The following KAZN variants were observed in gnomAD, a reference collection of about 807,000 sequenced individuals.
KAZN encodes kazrin, periplakin interacting protein.
A neutral mutation model predicts 87.4 loss-of-function variants in KAZN; 40 were observed. That is an observed-to-expected ratio of 0.46 (90% CI 0.36 to 0.60). The LOEUF (loss-of-function observed/expected upper bound fraction) is 0.60. Among genes scored for constraint, KAZN ranks in the 20% least tolerant of loss-of-function variants. The pLI is 0.00. For missense variants in KAZN, 898 were observed against 1,073.9 expected (o/e 0.84, Z 2.29); for synonymous variants, 466 against 458.3 (o/e 1.02, Z -0.22).
At chr1:14,725,460 CT>C (rs34698081) in intron 1 of KAZN, among the ~76,000 whole-genome samples, 88,458 of 146,072 alleles carry the variant, frequency 0.61, 26,766 homozygotes, top group Middle Eastern at 0.76. Context: ...GTGGAGCTGT[CT>C]TTTTTTTTTT....
intron 2 of KAZN, among the ~76,000 whole-genome samples, chr1:14,559,343 A>AATGCCTAGT (rs1490217016): frequency 1.3e-5 from 2 of 152,184 alleles, no homozygotes; most frequent in Non-Finnish European, 2.9e-5. Flanking sequence ...GAAGAAAAGA[A>AATGCCTAGT]ATGCCTAGTT....
chr1:14,942,553 C>T (rs1023603556), intron 1 of KAZN, among the ~76,000 whole-genome samples: 1 of 152,236 alleles, frequency 6.6e-6, no homozygotes, highest in Non-Finnish European at 1.5e-5. Context: ...AGAACCTACT[C>T]TTCTCTAGTC....
intron 2 of KAZN, among the ~76,000 whole-genome samples, chr1:14,231,445 G>T (rs564232438): frequency 6.6e-6 from 1 of 152,172 alleles, no homozygotes; most frequent in African/African-American, 2.4e-5. Context: ...TACTCACTTT[G>T]GGATTACAAC....
intron 1 of KAZN, chr1:14,924,336 C>A (rs1427429117): frequency 1.0e-5 from 10 of 987,512 alleles, no homozygotes; most frequent in Admixed American, 6.2e-5. Context: ...CTCGCGCAGC[C>A]GCTGGTAGCG....
intron 2 of KAZN, among the ~76,000 whole-genome samples, chr1:14,342,147 G>A (rs1657776216): frequency 6.6e-6 from 1 of 152,152 alleles, no homozygotes; most frequent in South Asian, 2.1e-4. Context: ...CCATGTCCCT[G>A]CAAAGGACAT....
At chr1:14,925,060 A>C (rs760505716) in intron 1 of KAZN, among the ~76,000 whole-genome samples, 1 of 152,198 alleles carries the variant, frequency 6.6e-6, no homozygotes, top group Non-Finnish European at 1.5e-5. Context: ...TTTCTCATAC[A>C]CTTGAACTCC....
At chr1:14,759,998 C>G (rs576690704) in intron 1 of KAZN, among the ~76,000 whole-genome samples, 7 of 152,156 alleles carry the variant, frequency 4.6e-5, no homozygotes, top group Non-Finnish European at 8.8e-5. Context: ...CCCCTCCTCC[C>G]GTGACTGACC....
chr1:14,528,753 A>G (rs796070444), intron 2 of KAZN, among the ~76,000 whole-genome samples: 59 of 150,616 alleles, frequency 3.9e-4, no homozygotes, highest in African/African-American at 1.4e-3. Flanking sequence ...TGTCTCAAAA[A>G]AAAAAAAAAA....
chr1:14,233,337 GT>G (rs1648049859), intron 2 of KAZN, among the ~76,000 whole-genome samples: 1 of 152,056 alleles, frequency 6.6e-6, no homozygotes, highest in Non-Finnish European at 1.5e-5. Flanking sequence ...GTCTCACTAT[GT>G]TCCCCAGGCT....
chr1:14,025,669 C>T (rs1398859231), intron 1 of KAZN, among the ~76,000 whole-genome samples: 1 of 152,118 alleles, frequency 6.6e-6, no homozygotes. Flanking sequence ...AGCCACTGGC[C>T]ACATCTGACC....
chr1:14,598,430 C>T (rs1052003631), upstream of KAZN, among the ~76,000 whole-genome samples: 1 of 152,116 alleles, frequency 6.6e-6, no homozygotes, highest in Non-Finnish European at 1.5e-5. The surrounding 1 kb of genome is among the most constrained non-coding windows in gnomAD (Gnocchi z 4.2). Context: ...TTCTCCAGGG[C>T]GGGGGCTGCC....
intron 1 of KAZN, among the ~76,000 whole-genome samples, chr1:13,909,375 G>A (rs796834737): frequency 1.3e-5 from 2 of 152,224 alleles, no homozygotes; most frequent in African/African-American, 4.8e-5. Flanking sequence ...TGTTTTTTCA[G>A]GGGCAAGAGG....
intron 2 of KAZN, among the ~76,000 whole-genome samples, chr1:14,998,142 C>T (rs897491074): frequency 6.6e-6 from 1 of 152,024 alleles, no homozygotes; most frequent in African/African-American, 2.4e-5. Flanking sequence ...TCAGCTGGCA[C>T]AGACGGCGGG....
intron 1 of KAZN, among the ~76,000 whole-genome samples, chr1:13,912,545 T>A (rs1250902091): frequency 1.3e-5 from 2 of 152,142 alleles, no homozygotes; most frequent in Non-Finnish European, 2.9e-5. Context: ...GTAGATCAGA[T>A]GATAAAATTG....
At chr1:14,425,941 C>G (rs893577887) in intron 2 of KAZN, among the ~76,000 whole-genome samples, 1 of 152,186 alleles carries the variant, frequency 6.6e-6, no homozygotes, top group African/African-American at 2.4e-5. Flanking sequence ...CCCCAACTTT[C>G]TAGAACATTC....
At chr1:14,612,416 C>T (rs1219313892) in intron 1 of KAZN, among the ~76,000 whole-genome samples, 1 of 152,226 alleles carries the variant, frequency 6.6e-6, no homozygotes, top group East Asian at 1.9e-4. Context: ...GGACACTTGA[C>T]ATCTGAGCCT....
chr1:14,849,571 C>T (rs2100972565), intron 1 of KAZN, among the ~76,000 whole-genome samples: 1 of 152,172 alleles, frequency 6.6e-6, no homozygotes, highest in East Asian at 1.9e-4. Context: ...GTTTTGTAAC[C>T]AGAGAATATT....
chr1:13,999,485 A>G (rs1030026098), intron 1 of KAZN, among the ~76,000 whole-genome samples: 2 of 152,248 alleles, frequency 1.3e-5, no homozygotes, highest in Non-Finnish European at 2.9e-5. Flanking sequence ...TAAGGCAGAA[A>G]TCAAGAAGTT....
chr1:14,728,322 A>G (rs1370950772), intron 1 of KAZN, among the ~76,000 whole-genome samples: 1 of 148,894 alleles, frequency 6.7e-6, no homozygotes, highest in Non-Finnish European at 1.5e-5. Context: ...AAAGAATCTA[A>G]TGCCACTGCT....
Sources: allele counts gnomAD v4.1 joint callset (sites outside exome capture counted in the v4.1 genomes callset), GRCh38; gene constraint gnomAD v4.1.1; non-coding constraint Gnocchi (gnomAD v3.1); transcripts MANE v1.5; gene names NCBI Gene and HGNC (gene_info 2026-07-23, HGNC 2026-07-21).